The following GRIP1 variants were observed in gnomAD, a reference collection of about 807,000 sequenced individuals.
GRIP1 encodes the protein glutamate receptor-interacting protein 1.
A neutral mutation model predicts 129.9 loss-of-function variants in GRIP1; 45 were observed. The observed-to-expected ratio is 0.35, with a 90% CI of 0.27 to 0.44. GRIP1 has a LOEUF of 0.44. GRIP1 is among the 20% of genes least tolerant of loss of function. GRIP1 has a pLI of 1.00. For missense variants in GRIP1, 1,196 were observed against 1,396.8 expected, an observed-to-expected ratio of 0.86 and a Z score of 2.29; for synonymous variants, 530 against 520.8, an observed-to-expected ratio of 1.02 and a Z score of -0.24.
intron 23 of GRIP1, among the ~76,000 whole-genome samples, chr12:66,366,544 C>A (rs1483362926): frequency 6.6e-6 from 1 of 152,028 alleles, no homozygotes; most frequent in African/African-American, 2.4e-5. Flanking sequence ...CCAGCAGCCA[C>A]AAATAAAAGC....
intron 23 of GRIP1, among the ~76,000 whole-genome samples, chr12:66,356,546 C>A (rs1424148162): frequency 6.6e-6 from 1 of 152,190 alleles, no homozygotes; most frequent in African/African-American, 2.4e-5. Flanking sequence ...AGAAAATATT[C>A]TTGGTGAAAA....
intron 1 of GRIP1, among the ~76,000 whole-genome samples, chr12:66,772,079 T>G (rs1191547211): frequency 6.6e-6 from 1 of 152,240 alleles, no homozygotes; most frequent in African/African-American, 2.4e-5. Flanking sequence ...CATTTGGTCC[T>G]CTAACAGCCC....
chr12:66,484,385 A>C (rs554628999), intron 7 of GRIP1, among the ~76,000 whole-genome samples: 103 of 152,202 alleles, frequency 6.8e-4, no homozygotes, highest in Non-Finnish European at 1.3e-3. Flanking sequence ...GCTATTACAA[A>C]TATTTCTGCT....
intron 2 of GRIP1, among the ~76,000 whole-genome samples, chr12:66,562,699 GT>G (rs1422238119): frequency 6.6e-6 from 1 of 151,968 alleles, no homozygotes; most frequent in Non-Finnish European, 1.5e-5. Flanking sequence ...GATTATATAT[GT>G]ATGTACGTAT....
intron 2 of GRIP1, among the ~76,000 whole-genome samples, chr12:66,594,590 G>T (rs2063973656): frequency 6.6e-6 from 1 of 152,094 alleles, no homozygotes; most frequent in African/African-American, 2.4e-5. Context: ...CTAAAAGATT[G>T]GACTCTCCTG....
At chr12:66,865,600 C>G (rs2137132777) in intron 1 of GRIP1, among the ~76,000 whole-genome samples, 1 of 76,340 alleles carries the variant, frequency 1.3e-5, no homozygotes, top group African/African-American at 4.0e-5. Flanking sequence ...TCCATGCATC[C>G]ATCCATCCAA....
At chr12:66,541,743 T>G in intron 3 of GRIP1, 72 bp downstream of exon 3, 1 of 1,504,020 alleles carries the variant, frequency 6.6e-7, no homozygotes, top group East Asian at 2.3e-5. Flanking sequence ...TGACCACTTT[T>G]GATGGAGCTT....
chr12:66,394,876 T>C (rs1350968336), intron 16 of GRIP1, among the ~76,000 whole-genome samples: 1 of 152,242 alleles, frequency 6.6e-6, no homozygotes, highest in African/African-American at 2.4e-5. Context: ...GGAACTTAGA[T>C]AAGTAAACTT....
At chr12:66,443,774 C>A (rs1246815948) in intron 13 of GRIP1, among the ~76,000 whole-genome samples, 1 of 152,006 alleles carries the variant, frequency 6.6e-6, no homozygotes, top group Non-Finnish European at 1.5e-5. Flanking sequence ...TATTCTTGAC[C>A]CCCTACTGCA....
chr12:66,953,937 A>G (rs1592386886), intron 1 of GRIP1, among the ~76,000 whole-genome samples: 3 of 152,246 alleles, frequency 2.0e-5, no homozygotes, highest in South Asian at 4.1e-4. Flanking sequence ...CCTGTTTAGC[A>G]GATTTCAACA....
intron 5 of GRIP1, among the ~76,000 whole-genome samples, chr12:66,523,421 G>C (rs2061096798): frequency 6.7e-6 from 1 of 148,308 alleles, no homozygotes; most frequent in African/African-American, 2.5e-5. Flanking sequence ...TTCATATCCA[G>C]CCAAACTAAG....
intron 1 of GRIP1, among the ~76,000 whole-genome samples, chr12:66,826,064 C>A (rs1034052099): frequency 6.6e-6 from 1 of 152,048 alleles, no homozygotes; most frequent in Non-Finnish European, 1.5e-5. Flanking sequence ...AACTGAAATG[C>A]CCATCAATGA....
At chr12:66,591,546 G>T (rs1212006838) in intron 2 of GRIP1, among the ~76,000 whole-genome samples, 1 of 152,128 alleles carries the variant, frequency 6.6e-6, no homozygotes, top group African/African-American at 2.4e-5. Flanking sequence ...CAGCAACCGT[G>T]TACTTTGTAT....
chr12:66,406,485 T>TA (rs1300654209), intron 15 of GRIP1, 57 bp from the exon 16 acceptor site: 1 of 1,516,548 alleles, frequency 6.6e-7, no homozygotes, highest in Non-Finnish European at 9.2e-7. Context: ...CTAGGCCATT[T>TA]AAAGAGGCAT....
chr12:66,811,528 T>A (rs1249257339), intron 1 of GRIP1, among the ~76,000 whole-genome samples: 1 of 152,158 alleles, frequency 6.6e-6, no homozygotes, highest in Non-Finnish European at 1.5e-5. Flanking sequence ...GCTCAATGTT[T>A]GATGGTTCTG....
intron 1 of GRIP1, among the ~76,000 whole-genome samples, chr12:66,897,692 CAG>C (rs1291932461): frequency 2.6e-5 from 4 of 152,186 alleles, no homozygotes; most frequent in African/African-American, 7.2e-5. Context: ...TATGGCAAAA[CAG>C]GGGAAATTAA....
intron 23 of GRIP1, among the ~76,000 whole-genome samples, chr12:66,354,107 T>C (rs1014851367): frequency 1.3e-5 from 2 of 152,194 alleles, no homozygotes; most frequent in Non-Finnish European, 2.9e-5. Flanking sequence ...AAGACCTGAA[T>C]GTGTCTCTAT....
chr12:66,826,916 T>C (rs1226767268), intron 1 of GRIP1, among the ~76,000 whole-genome samples: 1 of 152,148 alleles, frequency 6.6e-6, no homozygotes, highest in Non-Finnish European at 1.5e-5. Flanking sequence ...AAGAGAGTAT[T>C]GGTAGAGGGA....
intron 2 of GRIP1, among the ~76,000 whole-genome samples, chr12:66,572,492 T>G (rs2062997415): frequency 6.6e-6 from 1 of 152,162 alleles, no homozygotes; most frequent in Non-Finnish European, 1.5e-5. Context: ...GAGAAAATCA[T>G]ATGGGGTGTT....
Sources: gnomAD v4.1 joint callset for allele counts (sites outside exome capture counted in the v4.1 genomes callset) on GRCh38, gnomAD v4.1.1 for gene constraint, MANE v1.5 for transcripts, NCBI Gene and HGNC (gene_info 2026-07-23, HGNC 2026-07-21) for gene names.